PLXNC1: variants seen among roughly 807,000 people sequenced by gnomAD.
PLXNC1 encodes plexin C1.
A neutral mutation model predicts 178.2 loss-of-function variants in PLXNC1; 75 were observed. That is an observed-to-expected ratio of 0.42 (90% CI 0.35 to 0.51). The LOEUF is 0.51. Among genes scored for constraint, PLXNC1 ranks in the 20% least tolerant of loss-of-function variants. PLXNC1 has a pLI of 0.02. For synonymous variants in PLXNC1, 790 were observed against 779.9 expected (o/e 1.01, Z -0.22); for missense variants, 1,503 against 1,984.4 (o/e 0.76, Z 4.61).
At chr12:94,187,601 C>T (rs1228493145) in intron 4 of PLXNC1, among the ~76,000 whole-genome samples, 4 of 152,192 alleles carry the variant, frequency 2.6e-5, no homozygotes, top group Admixed American at 2.6e-4. Context: ...ATTCACTGAT[C>T]ACGAACGGGA....
Position 94,265,120 on chromosome 12 carries a change from G to A in PLXNC1, c.3492G>A (p.Leu1164=), listed in dbSNP as rs777723383. 1 of 1,614,122 alleles carries A rather than the reference G, an allele frequency of 6.2e-7. No homozygotes were observed. The highest frequency in any genetic ancestry group is 1.1e-5 in the South Asian group (1 of 91,074). ...GEPFYLLVTT[L]NQKINKGPVD... is the part of the protein sequence containing the mutation. ...CCTTCTATTTGCTGGTGACGACTCT[G>A]AACCAGAAAATTAACAAGGGTCCCG... The change falls in exon 21 of 31, where the codon CTG becomes CTA. Residue 1164 remains leucine (L), a synonymous_variant. Transcript: ENST00000258526.
intron 5 of PLXNC1, among the ~76,000 whole-genome samples, chr12:94,218,988 G>A (rs1235243018): frequency 2.0e-5 from 3 of 152,244 alleles, no homozygotes; most frequent in African/African-American, 7.2e-5. Context: ...TCATGTGTTT[G>A]GATGGGAATA....
At chr12:94,246,434 A>G (rs1964532038) in intron 12 of PLXNC1, among the ~76,000 whole-genome samples, 1 of 152,172 alleles carries the variant, frequency 6.6e-6, no homozygotes, top group South Asian at 2.1e-4. Flanking sequence ...TGGGGGTGAC[A>G]TCATGGGAGT....
intron 23 of PLXNC1, among the ~76,000 whole-genome samples, chr12:94,283,384 G>A (rs1183043511): frequency 6.6e-6 from 1 of 152,192 alleles, no homozygotes; most frequent in Non-Finnish European, 1.5e-5. Flanking sequence ...AAGGAGGGCA[G>A]TGACAGCTGA....
At chr12:94,262,641 C>T (rs1965027487) in intron 20 of PLXNC1, 1 of 985,428 alleles carries the variant, frequency 1.0e-6, no homozygotes, top group Non-Finnish European at 1.2e-6. Context: ...ATAATTCCCG[C>T]TGGTGCAGGG....
In PLXNC1 at chr12:94,223,233, G is replaced by A. The variant is rs1214622025; in HGVS notation, c.1703-995G>A. Among the ~76,000 whole-genome samples the A allele has an allele frequency of 3.3e-5, 5 of 152,136 alleles. No individual in the cohort carries two copies. The East Asian group carries it at 7.7e-4, about 23-fold the overall frequency. On this transcript the variant is annotated intron_variant, in intron 6 of 30. Coordinates refer to ENST00000258526, the MANE Select transcript of PLXNC1 (RefSeq NM_005761.3). Reference sequence around the variant, plus strand: ...GTTCAAGACCAGCCTAGCCAACATGGTGAAACCCCGTCTCAACTAAAATAA... The same window carrying A: ...GTTCAAGACCAGCCTAGCCAACATGATGAAACCCCGTCTCAACTAAAATAA...
At chr12:94,300,794 CAG>C in intron 27 of PLXNC1, 114 bp from the exon 28 acceptor site, 1 of 823,920 alleles carries the variant, frequency 1.2e-6, no homozygotes. Flanking sequence ...TTTGGCTAAG[CAG>C]AGTTGTATAC....
At chr12:94,240,055 G>C (rs554636439) in intron 10 of PLXNC1, among the ~76,000 whole-genome samples, 3 of 152,060 alleles carry the variant, frequency 2.0e-5, no homozygotes, top group African/African-American at 4.8e-5. Flanking sequence ...GGGATTTTTG[G>C]GGGGGCATGA....
chr12:94,149,028 G>C lies in PLXNC1; in HGVS notation c.57G>C (p.Leu19=). Reference sequence around the variant, plus strand: ...GCCCCCCGCGCCCCGCAGCGCCACTGCCCCTGCTCGCCTATCTGCTGGCAC... The same window carrying C: ...GCCCCCCGCGCCCCGCAGCGCCACTCCCCCTGCTCGCCTATCTGCTGGCAC... The part of the protein sequence containing the change: ...PPRPPRPAAP[L]PLLAYLLALA... Residue 19 remains leucine (L), a synonymous_variant, in exon 1 of 31, where the codon CTG becomes CTC. Coordinates refer to ENST00000258526, the MANE Select transcript of PLXNC1 (RefSeq NM_005761.3). 4 of 1,497,584 alleles carry C rather than the reference G, an allele frequency of 2.7e-6. No homozygotes were observed. The highest frequency in any genetic ancestry group is 3.5e-6 in the Non-Finnish European group (4 of 1,130,690). The allele number at this position is 1,497,584 out of a possible 1,614,324, so 92.8% of individuals were successfully genotyped here. A position where few individuals can be genotyped will look rare whatever the true frequency, so the allele number is the denominator to read the frequency against.
rs1964796900 is a variant in PLXNC1 at position 94,254,845 on chromosome 12, A to C, written c.2940A>C (p.Gln980His). The C allele has an allele frequency of 6.2e-7, 1 of 1,612,290 alleles. No homozygotes were observed. The highest frequency in any genetic ancestry group is 8.5e-7 in the Non-Finnish European group (1 of 1,179,624). The change falls in exon 16 of 31, where the codon CAA becomes CAC. Residue 980 changes from glutamine to histidine, a missense_variant. Gln to His is a conservative substitution (Grantham distance 24, BLOSUM62 0). This residue lies in a region of PLXNC1 where 639 missense variants were observed against 979.7 expected (regional missense o/e 0.65). Coordinates refer to ENST00000258526, the MANE Select transcript of PLXNC1 (RefSeq NM_005761.3). Reference protein sequence around the residue: ...SKELSRKQSQQLELLESELRK... With the variant: ...SKELSRKQSQHLELLESELRK... ...AGCTGAGTCGCAAACAGAGTCAACA[A>C]CTAGAATTGCTGGAAAGCGAGCTCC...
chr12:94,236,472 G>A (rs895412823), intron 9 of PLXNC1, among the ~76,000 whole-genome samples: 2 of 152,208 alleles, frequency 1.3e-5, no homozygotes, highest in African/African-American at 2.4e-5. Context: ...GTGTTAGGCA[G>A]GTGTTGGACA....
intron 1 of PLXNC1, among the ~76,000 whole-genome samples, chr12:94,150,247 G>A (rs767731912): frequency 2.6e-5 from 4 of 152,166 alleles, no homozygotes; most frequent in Non-Finnish European, 4.4e-5. Flanking sequence ...CAAAGGGAGA[G>A]TGTAAAAAGG....
At chr12:94,276,518 C>G (rs555535614) in intron 21 of PLXNC1, among the ~76,000 whole-genome samples, 1 of 152,146 alleles carries the variant, frequency 6.6e-6, no homozygotes, top group East Asian at 1.9e-4. Context: ...ATGGCATAGC[C>G]GAGGGGTTTG....
intron 4 of PLXNC1, among the ~76,000 whole-genome samples, chr12:94,208,395 A>G (rs1963369098): frequency 6.6e-6 from 1 of 152,208 alleles, no homozygotes; most frequent in Non-Finnish European, 1.5e-5. Flanking sequence ...ACAGAGCTCA[A>G]AGATGAAGCC....
chr12:94,194,514 G>A (rs1182076328), intron 4 of PLXNC1, among the ~76,000 whole-genome samples: 1 of 152,206 alleles, frequency 6.6e-6, no homozygotes, highest in Non-Finnish European at 1.5e-5. Context: ...GGCACTTTGG[G>A]AGGCCGAGTT....
At chr12:94,253,755 C>T (rs777127624) in intron 15 of PLXNC1, among the ~76,000 whole-genome samples, 9 of 151,930 alleles carry the variant, frequency 5.9e-5, no homozygotes, top group Non-Finnish European at 1.3e-4. Flanking sequence ...CTCACTGCAG[C>T]CTTGACCTCC....
At chr12:94,167,422 C>A (rs1961656783) in intron 1 of PLXNC1, among the ~76,000 whole-genome samples, 1 of 152,222 alleles carries the variant, frequency 6.6e-6, no homozygotes, top group Non-Finnish European at 1.5e-5. Context: ...GATACCCAGG[C>A]AGAGACGATG....
chr12:94,234,615 G>A (rs1233400650), intron 9 of PLXNC1, among the ~76,000 whole-genome samples: 2 of 152,146 alleles, frequency 1.3e-5, no homozygotes, highest in African/African-American at 4.8e-5. Flanking sequence ...GGGCTGTGAC[G>A]GTTATAGTCA....
intron 4 of PLXNC1, among the ~76,000 whole-genome samples, chr12:94,199,266 G>A (rs2135987203): frequency 6.6e-6 from 1 of 152,306 alleles, no homozygotes; most frequent in South Asian, 2.1e-4. Flanking sequence ...TCCAATCCGG[G>A]ATGTGTCCTT....
Sources: allele counts gnomAD v4.1 joint callset (sites outside exome capture counted in the v4.1 genomes callset), GRCh38; gene constraint gnomAD v4.1.1; regional missense constraint gnomAD v4.1.1; transcripts MANE v1.5; gene names NCBI Gene and HGNC (gene_info 2026-07-23, HGNC 2026-07-21).